Variants in ADAM12 observed in about 807,000 individuals in gnomAD.
ADAM12 encodes ADAM metallopeptidase domain 12.
ADAM12 carries 70 observed loss-of-function variants against 106.4 expected under a neutral mutation model. That is an observed-to-expected ratio of 0.66 (90% confidence interval 0.54 to 0.80). ADAM12 has a LOEUF of 0.80. ADAM12 is among the 30% of genes least tolerant of loss of function. The pLI is 0.00. For synonymous variants in ADAM12, 420 were observed against 433.5 expected (o/e 0.97, Z 0.39); for missense variants, 1,010 against 1,171.9 (o/e 0.86, Z 2.02).
At chr10:126,248,681 G>GTATTTATT (rs1412113649) in intron 3 of ADAM12, among the ~76,000 whole-genome samples, 9 of 31,788 alleles carry the variant, frequency 2.8e-4, no homozygotes, top group African/African-American at 1.3e-3. Flanking sequence ...ATGTATGTAT[G>GTATTTATT]TATGTATTTA....
chr10:126,115,522 G>C (rs1299112265), intron 6 of ADAM12, among the ~76,000 whole-genome samples: 1 of 152,136 alleles, frequency 6.6e-6, no homozygotes, highest in Non-Finnish European at 1.5e-5. Flanking sequence ...CTAATGTGGA[G>C]CCTTGTAAAA....
intron 3 of ADAM12, among the ~76,000 whole-genome samples, chr10:126,224,895 C>T (rs751058332): frequency 5.9e-5 from 9 of 152,352 alleles, no homozygotes; most frequent in Middle Eastern, 3.4e-3. Context: ...AGCAATTACT[C>T]GGGAAAAGTG....
chr10:126,263,055 G>C (rs751295002), intron 3 of ADAM12, among the ~76,000 whole-genome samples: 1 of 152,176 alleles, frequency 6.6e-6, no homozygotes, highest in Non-Finnish European at 1.5e-5. Context: ...CTCGCTCAGG[G>C]TTTCCTGGTT....
intron 3 of ADAM12, among the ~76,000 whole-genome samples, chr10:126,236,843 C>A (rs926450459): frequency 6.6e-6 from 1 of 152,154 alleles, no homozygotes; most frequent in African/African-American, 2.4e-5. Flanking sequence ...GGGGACAGCA[C>A]CCCCAAAGCC....
chr10:126,017,360 A>AAAAAATG, intron 22 of ADAM12, 21 bp from the exon 23 acceptor site: 3 of 1,562,142 alleles, frequency 1.9e-6, no homozygotes, highest in Non-Finnish European at 2.6e-6. Flanking sequence ...AGAGGAGAAA[A>AAAAAATG]AAAAATGATC....
At position 126,109,068 on chromosome 10, in the gene ADAM12, G is replaced by A. The variant is rs142365470; in HGVS notation, c.670-404C>T. Among the ~76,000 whole-genome samples, 904 of 152,240 alleles carry A rather than the reference G, an allele frequency of 5.9e-3. 11 individuals carry two copies. The highest frequency in any genetic ancestry group is 0.02 in the African/African-American group (835 of 41,536). ...AAAAGTAAAAGTCATAGAAGCTCAT[G>A]GCAGCTTGTCAAACAATACAGAGGA... On this transcript the variant is annotated intron_variant, in intron 7 of 22. Transcript: ENST00000448723.
At position 126,277,401 on chromosome 10, in the gene ADAM12, G is replaced by T. The variant is rs1231572820; in HGVS notation, c.260+1514C>A. ...TCCAACAGCCTAACAATGGGAGCAG[G>T]TGCAATAAAGAACACTCCTAAATCC... On this transcript the variant is annotated intron_variant, in intron 3 of 22. Coordinates refer to ENST00000448723, the MANE Select transcript of ADAM12 (RefSeq NM_001288973.2). 2.6e-5 allele frequency among the ~76,000 whole-genome samples: 4 copies of T among 151,988 alleles called. No individual in the cohort carries two copies. The East Asian group carries it at 7.7e-4, about 29-fold the overall frequency.
chr10:126,247,563 C>T (rs2133672210), intron 3 of ADAM12, among the ~76,000 whole-genome samples: 1 of 152,328 alleles, frequency 6.6e-6, no homozygotes, highest in South Asian at 2.1e-4. Flanking sequence ...TCCTGAGAAA[C>T]TCATGTGCTT....
At chr10:126,209,805 A>T (rs537758815) in intron 3 of ADAM12, among the ~76,000 whole-genome samples, 2 of 152,216 alleles carry the variant, frequency 1.3e-5, no homozygotes, top group South Asian at 2.1e-4. Flanking sequence ...CTTTACCGTA[A>T]CTCCCAAGCC....
intron 18 of ADAM12, 102 bp from the exon 19 acceptor site, chr10:126,039,531 G>A: frequency 7.1e-7 from 1 of 1,416,964 alleles, no homozygotes; most frequent in South Asian, 1.2e-5. Flanking sequence ...TGAAGCAACA[G>A]AAATGAAGAG....
In ADAM12 at chr10:126,152,785, C is replaced by T. The variant is rs541643492; in HGVS notation, c.339+2442G>A. The stretch of plus-strand genomic sequence containing the variant: ...GATTAATATGTTGACTCATTTTTAT[C>T]TTGCTATTTTATGTTTTTCTACTCT... On this transcript the variant is annotated intron_variant, in intron 4 of 22. Transcript: ENST00000448723. Among the ~76,000 whole-genome samples, 3 of 152,184 alleles carry T rather than the reference C, an allele frequency of 2.0e-5. No individual in the cohort carries two copies. The East Asian group carries it at 5.8e-4, about 29-fold the overall frequency.
intron 21 of ADAM12, among the ~76,000 whole-genome samples, chr10:126,024,979 T>G (rs1953841723): frequency 6.6e-6 from 1 of 151,960 alleles, no homozygotes; most frequent in South Asian, 2.1e-4. Context: ...CCCAGCAAAT[T>G]GCAGCAGCCT....
intron 2 of ADAM12, among the ~76,000 whole-genome samples, chr10:126,323,729 G>A (rs1174661132): frequency 6.6e-6 from 1 of 152,214 alleles, no homozygotes; most frequent in Non-Finnish European, 1.5e-5. Context: ...CCAGAGAGCT[G>A]AATCCCAAAG....
At chr10:126,031,097 G>A (rs1024097071) in intron 21 of ADAM12, among the ~76,000 whole-genome samples, 8 of 152,174 alleles carry the variant, frequency 5.3e-5, no homozygotes, top group African/African-American at 1.9e-4. Context: ...CTGTGGAGAG[G>A]TCTTAGGGGA....
At chr10:126,290,555 A>G (rs1035189001) in intron 2 of ADAM12, among the ~76,000 whole-genome samples, 32 of 152,212 alleles carry the variant, frequency 2.1e-4, no homozygotes, top group African/African-American at 7.7e-4. Flanking sequence ...TATTACAGAA[A>G]TCCAATCACA....
intron 3 of ADAM12, among the ~76,000 whole-genome samples, chr10:126,225,081 T>G (rs1958167132): frequency 6.6e-6 from 1 of 152,250 alleles, no homozygotes; most frequent in African/African-American, 2.4e-5. Flanking sequence ...CTGAGCCCAC[T>G]GTTTCGACTG....
At chr10:126,248,214 T>C (rs1958667351) in intron 3 of ADAM12, among the ~76,000 whole-genome samples, 1 of 152,220 alleles carries the variant, frequency 6.6e-6, no homozygotes. Context: ...TCACGTATTC[T>C]TTCCAGGGTG....
intron 3 of ADAM12, among the ~76,000 whole-genome samples, chr10:126,223,248 A>G (rs1958129134): frequency 6.6e-6 from 1 of 152,230 alleles, no homozygotes; most frequent in Non-Finnish European, 1.5e-5. Flanking sequence ...TAATAAGTCT[A>G]AAGTATAATG....
chr10:126,309,316 G>A (rs896381660), intron 2 of ADAM12, among the ~76,000 whole-genome samples: 3 of 152,150 alleles, frequency 2.0e-5, no homozygotes, highest in African/African-American at 7.2e-5. Context: ...GATGAAGGTC[G>A]GCTCTCTCTG....
Sources: allele counts gnomAD v4.1 joint callset (sites outside exome capture counted in the v4.1 genomes callset), GRCh38; gene constraint gnomAD v4.1.1; transcripts MANE v1.5; gene names NCBI Gene and HGNC (gene_info 2026-07-23, HGNC 2026-07-21).